RASL12: variants seen among roughly 807,000 people sequenced by gnomAD.
RASL12 encodes RAS like family 12.
A neutral mutation model predicts 22.9 loss-of-function variants in RASL12; 16 were observed. The ratio of observed to expected loss-of-function variants is 0.70; its 90% confidence interval spans 0.47 to 1.06. RASL12 has a LOEUF of 1.06. Ranked by LOEUF, RASL12 falls within the 50% of genes least tolerant of loss-of-function variation. RASL12 has a pLI of 0.00. For missense variants in RASL12, 306 were observed against 353.1 expected, an observed-to-expected ratio of 0.87 and a Z score of 1.07; for synonymous variants, 159 against 152.2, an observed-to-expected ratio of 1.04 and a Z score of -0.33.
intron 2 of RASL12, among the ~76,000 whole-genome samples, chr15:65,061,825 G>A (rs778306220): frequency 2.0e-5 from 3 of 151,814 alleles, no homozygotes; most frequent in Non-Finnish European, 2.9e-5. Context: ...CAAGGTGGGC[G>A]GATCACAAGG....
At chr15:65,049,387 G>C (rs981571988), downstream of RASL12, 1 of 151,130 alleles carries the variant, frequency 6.6e-6, no homozygotes, top group South Asian at 2.1e-4. Flanking sequence ...TGCCCTCTCA[G>C]CATCAGGAGC....
At chr15:65,051,083 A>G (rs1171016283), downstream of RASL12, among the ~76,000 whole-genome samples, 1 of 151,842 alleles carries the variant, frequency 6.6e-6, no homozygotes, top group Non-Finnish European at 1.5e-5. Context: ...ACCTCAGGTG[A>G]TCCACCTGAC....
intron 2 of RASL12, among the ~76,000 whole-genome samples, chr15:65,060,271 G>A (rs905431197): frequency 6.6e-6 from 1 of 152,156 alleles, no homozygotes; most frequent in Admixed American, 6.5e-5. Flanking sequence ...GTGTTCCAAA[G>A]TTAATAGGGC....
At chr15:65,059,651 C>T (rs1018312491) in intron 2 of RASL12, among the ~76,000 whole-genome samples, 1 of 152,156 alleles carries the variant, frequency 6.6e-6, no homozygotes, top group African/African-American at 2.4e-5. Context: ...ACAGACCACA[C>T]CTCGGGGGTG....
intron 2 of RASL12, among the ~76,000 whole-genome samples, chr15:65,061,928 T>C (rs1394644807): frequency 3.3e-5 from 5 of 152,014 alleles, no homozygotes; most frequent in South Asian, 4.2e-4. Context: ...CAGGCACCTG[T>C]AGTACCAGCT....
At chr15:65,058,397 G>A in intron 4 of RASL12, 30 bp downstream of exon 4, 1 of 1,415,258 alleles carries the variant, frequency 7.1e-7, no homozygotes, top group African/African-American at 1.4e-5. Context: ...AGCGAGCTCT[G>A]GAGATAACGG....
At chr15:65,065,387 A>C in intron 1 of RASL12, 114 bp from the exon 2 acceptor site, 6 of 949,772 alleles carry the variant, frequency 6.3e-6, no homozygotes, top group South Asian at 1.5e-5. Flanking sequence ...CACCAAGCTC[A>C]GCTCTCCCAG....
At chr15:65,055,775 C>G (rs1353887134) in intron 4 of RASL12, among the ~76,000 whole-genome samples, 1 of 152,198 alleles carries the variant, frequency 6.6e-6, no homozygotes. Context: ...CTCCAGAAGC[C>G]TGTGGTTGGC....
upstream of RASL12, among the ~76,000 whole-genome samples, chr15:65,072,278 C>G (rs1214270133): frequency 6.6e-6 from 1 of 152,248 alleles, no homozygotes; most frequent in Non-Finnish European, 1.5e-5. Flanking sequence ...CTGGCTGCCT[C>G]CTCCAGGCCT....
downstream of RASL12, chr15:65,051,447 C>T: frequency 3.4e-6 from 5 of 1,486,358 alleles, no homozygotes; most frequent in Non-Finnish European, 3.8e-6. Flanking sequence ...GCCCAGGCCC[C>T]AGCTGTTAGC....
At chr15:65,046,443 C>T in the RASL12 span, among the ~76,000 whole-genome samples, 1 of 152,182 alleles carries the variant, frequency 6.6e-6, no homozygotes, top group East Asian at 1.9e-4. Context: ...GCACTCCAGC[C>T]TGGGCAAAAA....
intron 2 of RASL12, among the ~76,000 whole-genome samples, chr15:65,061,754 T>C (rs1031131587): frequency 3.3e-5 from 5 of 152,096 alleles, no homozygotes; most frequent in African/African-American, 1.2e-4. Flanking sequence ...GCCTCAGAAA[T>C]GGTGCCTATG....
At chr15:65,050,223 G>A (rs983214919), downstream of RASL12, 2 of 775,420 alleles carry the variant, frequency 2.6e-6, no homozygotes, top group Non-Finnish European at 4.2e-6. Flanking sequence ...CTCCAAGACA[G>A]GGAATCAGTC....
downstream of RASL12, among the ~76,000 whole-genome samples, chr15:65,052,606 A>T (rs778680660): frequency 3.3e-5 from 5 of 152,068 alleles, no homozygotes; most frequent in Non-Finnish European, 7.4e-5. Flanking sequence ...CATGTTGGCC[A>T]GACTGGTCTC....
chr15:65,056,244 A>G (rs1440652616), intron 4 of RASL12, among the ~76,000 whole-genome samples: 1 of 151,980 alleles, frequency 6.6e-6, no homozygotes, highest in Non-Finnish European at 1.5e-5. Flanking sequence ...ACTAGATGAG[A>G]GGAGGCACTC....
chr15:65,059,380 G>A lies in RASL12; in HGVS notation c.199C>T (p.Pro67Ser), dbSNP rs1481849097. 1.2e-6 allele frequency: 2 copies of A among 1,613,990 alleles called. No homozygotes were observed. The highest frequency in any genetic ancestry group is 1.7e-6 in the Non-Finnish European group (2 of 1,180,030). ...YSSEETVDHQ[P>S]VHLRVMDTAD... is the part of the protein sequence containing the mutation. ...GTGTCCATGACCCTCAGGTGGACAG[G>A]CTGGTGGTCCACAGTCTCCTCGGAG... The change falls in exon 3 of 5, where the codon CCT (proline) becomes TCT (serine). Residue 67 changes from proline to serine, a missense_variant. Physicochemically the swap from Pro to Ser is moderately conservative, Grantham distance 74 (BLOSUM62 -1). Coordinates refer to ENST00000220062, the MANE Select transcript of RASL12 (RefSeq NM_016563.4).
chr15:65,072,013 ACT>A (rs1182299331), upstream of RASL12, among the ~76,000 whole-genome samples: 3 of 151,990 alleles, frequency 2.0e-5, no homozygotes, highest in African/African-American at 7.3e-5. Context: ...ATAGTCAGAC[ACT>A]CTTTCCCTAC....
At chr15:65,075,354 AC>A (rs1159846178) in intron 1 of RASL12, among the ~76,000 whole-genome samples, 1 of 151,912 alleles carries the variant, frequency 6.6e-6, no homozygotes, top group African/African-American at 2.4e-5. Context: ...GACGAGCACT[AC>A]CCCCTGCTCC....
upstream of RASL12, among the ~76,000 whole-genome samples, chr15:65,069,106 G>A (rs1218584641): frequency 6.6e-6 from 1 of 152,182 alleles, no homozygotes; most frequent in Non-Finnish European, 1.5e-5. Flanking sequence ...CCCACCCACA[G>A]AGGAACCATG....
Sources: gnomAD v4.1 joint callset for allele counts (sites outside exome capture counted in the v4.1 genomes callset) on GRCh38, gnomAD v4.1.1 for gene constraint, MANE v1.5 for transcripts, NCBI Gene and HGNC (gene_info 2026-07-23, HGNC 2026-07-21) for gene names.